Variants in PDCD10 observed in about 807,000 individuals in gnomAD.
PDCD10 encodes programmed cell death 10.
Under a neutral mutation model 29.2 loss-of-function variants are expected in PDCD10, and 4 were observed. The observed-to-expected ratio is 0.14, with a 90% confidence interval of 0.07 to 0.31. The LOEUF (loss-of-function observed/expected upper bound fraction) is 0.31, where lower values mean the gene tolerates loss of function less well. Among genes scored for constraint, PDCD10 ranks in the 10% least tolerant of loss-of-function variants. The pLI, the probability that PDCD10 is intolerant of heterozygous loss-of-function variation, is 1.00. For missense variants in PDCD10, 183 were observed against 257.9 expected (o/e 0.71, Z 1.99); for synonymous variants, 70 against 82.2 (o/e 0.85, Z 0.80).
At chr3:167,708,098 C>G (rs1391673459) in intron 3 of PDCD10, among the ~76,000 whole-genome samples, 1 of 152,104 alleles carries the variant, frequency 6.6e-6, no homozygotes, top group African/African-American at 2.4e-5. Flanking sequence ...AACACTTACA[C>G]TTACTATCAA....
At chr3:167,705,995 T>C (rs2108441384) in intron 3 of PDCD10, among the ~76,000 whole-genome samples, 1 of 152,306 alleles carries the variant, frequency 6.6e-6, no homozygotes, top group East Asian at 1.9e-4. Context: ...TTTCCTTACT[T>C]AGGTTTACAC....
chr3:167,687,812 T>A (rs528131910), intron 6 of PDCD10, 119 bp from the exon 7 acceptor site: 1 of 677,284 alleles, frequency 1.5e-6, no homozygotes, highest in Non-Finnish European at 2.7e-6. Flanking sequence ...AGTACACTCT[T>A]AATTATGTTA....
chr3:167,704,223 C>T (rs1721739938), intron 4 of PDCD10, among the ~76,000 whole-genome samples: 1 of 152,100 alleles, frequency 6.6e-6, no homozygotes, highest in Non-Finnish European at 1.5e-5. Flanking sequence ...TTTACAAATA[C>T]TTTTAAATTT....
chr3:167,689,670 G>C (rs781067589), intron 6 of PDCD10, among the ~76,000 whole-genome samples: 60 of 152,028 alleles, frequency 3.9e-4, no homozygotes, highest in Admixed American at 3.1e-3. Context: ...ATTTTAAAAG[G>C]GGGTGGGGGG....
intron 3 of PDCD10, among the ~76,000 whole-genome samples, chr3:167,717,193 G>T (rs1723109914): frequency 6.6e-6 from 1 of 151,996 alleles, no homozygotes. Context: ...CGAACTTCCA[G>T]AATGCCATAA....
chr3:167,696,510 C>T (rs1720824740), intron 5 of PDCD10, among the ~76,000 whole-genome samples: 1 of 152,014 alleles, frequency 6.6e-6, no homozygotes, highest in African/African-American at 2.4e-5. Flanking sequence ...AGTGGGAAAA[C>T]TGCTACTAAA....
intron 3 of PDCD10, among the ~76,000 whole-genome samples, chr3:167,715,194 A>C (rs1383840059): frequency 2.6e-5 from 4 of 151,922 alleles, no homozygotes; most frequent in African/African-American, 7.2e-5. Context: ...AATGGTGCAC[A>C]GAAAACCGGA....
chr3:167,696,554 T>TA (rs950942364), intron 5 of PDCD10, among the ~76,000 whole-genome samples: 1 of 151,806 alleles, frequency 6.6e-6, no homozygotes, highest in African/African-American at 2.4e-5. Context: ...TAATTTCAAG[T>TA]AAAAAAAATA....
At chr3:167,693,615 G>A (rs1720491005) in intron 6 of PDCD10, among the ~76,000 whole-genome samples, 1 of 152,080 alleles carries the variant, frequency 6.6e-6, no homozygotes, top group Non-Finnish European at 1.5e-5. Flanking sequence ...TTTGCCCAAG[G>A]AAACAATTCC....
intron 4 of PDCD10, among the ~76,000 whole-genome samples, chr3:167,701,870 G>C (rs1002998909): frequency 6.6e-6 from 1 of 152,140 alleles, no homozygotes; most frequent in Admixed American, 6.5e-5. Context: ...CAGAGCCACG[G>C]AAATCATGAA....
intron 2 of PDCD10, among the ~76,000 whole-genome samples, chr3:167,729,410 C>T (rs1577379893): frequency 6.6e-6 from 1 of 152,158 alleles, no homozygotes; most frequent in Admixed American, 6.5e-5. Context: ...ATTTCTCTCT[C>T]CAATGCAGTT....
At chr3:167,721,242 A>T (rs1461510696) in intron 2 of PDCD10, among the ~76,000 whole-genome samples, 5 of 152,172 alleles carry the variant, frequency 3.3e-5, no homozygotes, top group Non-Finnish European at 7.4e-5. Context: ...AACTTGCTTT[A>T]AAAAACTGCA....
intron 2 of PDCD10, chr3:167,730,982 A>C (rs1724742866): frequency 6.6e-6 from 1 of 152,160 alleles, no homozygotes; most frequent in East Asian, 1.9e-4. Context: ...AAAAAGCAAG[A>C]AACAAAACAA....
At chr3:167,732,878 C>A (rs1724961220) in intron 2 of PDCD10, among the ~76,000 whole-genome samples, 1 of 152,172 alleles carries the variant, frequency 6.6e-6, no homozygotes, top group African/African-American at 2.4e-5. Flanking sequence ...ATCACTGCAC[C>A]TTTCTTAATC....
chr3:167,722,584 A>G (rs562380076), intron 2 of PDCD10, among the ~76,000 whole-genome samples: 30 of 152,316 alleles, frequency 2.0e-4, no homozygotes, highest in African/African-American at 6.5e-4. Flanking sequence ...GTACTTATAT[A>G]CTGGGGTGAG....
chr3:167,707,210 A>C (rs924990949), intron 3 of PDCD10, among the ~76,000 whole-genome samples: 4 of 152,206 alleles, frequency 2.6e-5, no homozygotes, highest in African/African-American at 9.6e-5. Flanking sequence ...TCTTAAAATC[A>C]TCCTCCTGGG....
At position 167,731,624 on chromosome 3, in the gene PDCD10, T is replaced by C. The variant is rs993001707; in HGVS notation, c.-117+2590A>G. On this transcript the variant is annotated intron_variant, in intron 2 of 8. Transcript: ENST00000392750. ...CTTCATTCATTCAGCAAATATTTAC[T>C]GAACCCTTACAATGTGCCAGGTACT... 2.6e-5 allele frequency among the ~76,000 whole-genome samples: 4 copies of C among 152,252 alleles called. No individual in the cohort carries two copies. The South Asian group carries it at 8.3e-4, about 31-fold the overall frequency.
At chr3:167,714,010 G>A (rs1220318418) in intron 3 of PDCD10, among the ~76,000 whole-genome samples, 3 of 151,942 alleles carry the variant, frequency 2.0e-5, no homozygotes, top group East Asian at 1.9e-4. Flanking sequence ...AAACTATTCC[G>A]AAAAATAGAG....
chr3:167,699,079 G>A (rs930031215), intron 4 of PDCD10, among the ~76,000 whole-genome samples: 1 of 152,120 alleles, frequency 6.6e-6, no homozygotes, highest in Non-Finnish European at 1.5e-5. Flanking sequence ...TTTTTACTCT[G>A]TTCTTAAATA....
Sources: gnomAD v4.1 joint callset for allele counts (sites outside exome capture counted in the v4.1 genomes callset) on GRCh38, gnomAD v4.1.1 for gene constraint, MANE v1.5 for transcripts, NCBI Gene and HGNC (gene_info 2026-07-23, HGNC 2026-07-21) for gene names.